The following SPCS2 variants were observed in gnomAD, a reference collection of about 807,000 sequenced individuals.
The protein encoded by SPCS2 is SPase 25 kDa subunit.
In SPCS2, 3 loss-of-function variants were observed where a neutral mutation model predicts 22.3. The ratio of observed to expected loss-of-function variants is 0.13; its 90% confidence interval spans 0.06 to 0.35. SPCS2 has a LOEUF of 0.35. Ranked by LOEUF, SPCS2 falls within the 10% of genes least tolerant of loss-of-function variation. The pLI is 1.00. For missense variants in SPCS2, 169 were observed against 280.9 expected (o/e 0.60, Z 2.85); for synonymous variants, 67 against 97.2 (o/e 0.69, Z 1.83).
At chr11:74,958,894 A>G (rs1948494352) in intron 1 of SPCS2, among the ~76,000 whole-genome samples, 1 of 152,052 alleles carries the variant, frequency 6.6e-6, no homozygotes, top group African/African-American at 2.4e-5. Flanking sequence ...CCTCCAGATC[A>G]TCTGCCAGGT....
chr11:74,962,671 G>T (rs1452451674), intron 1 of SPCS2, among the ~76,000 whole-genome samples: 1 of 152,140 alleles, frequency 6.6e-6, no homozygotes, highest in African/African-American at 2.4e-5. Flanking sequence ...ATCAGAAAAA[G>T]AAGCACCTAA....
At position 74,969,550 on chromosome 11, in the gene SPCS2, TA is replaced by T; in HGVS notation, c.360-13del. 1 of 1,611,586 alleles carries T rather than the reference TA, an allele frequency of 6.2e-7. No homozygotes were observed. The highest frequency in any genetic ancestry group is 1.1e-5 in the South Asian group (1 of 90,796). On this transcript the variant is annotated splice_polypyrimidine_tract_variant and intron_variant, in intron 3 of 4. Transcript: ENST00000263672. ...CTTTTATGTTTGGGTATTTTCCCCT[TA>T]ACTTTATTTGAACCTATTTTGTGAT... is the stretch of plus-strand genomic sequence containing the variant.
intron 3 of SPCS2, among the ~76,000 whole-genome samples, chr11:74,968,518 G>GT (rs60284428): frequency 0.03 from 3,639 of 120,090 alleles, 83 homozygotes; most frequent in African/African-American, 0.058. Flanking sequence ...GGTTTTTTTT[G>GT]TTTTTTTTTT....
At chr11:74,960,313 A>G (rs916571743) in intron 1 of SPCS2, among the ~76,000 whole-genome samples, 51 of 152,350 alleles carry the variant, frequency 3.3e-4, no homozygotes, top group African/African-American at 1.2e-3. Flanking sequence ...CCTGGGTGAC[A>G]GAGTAAGACT....
intron 4 of SPCS2, among the ~76,000 whole-genome samples, chr11:74,975,709 G>C (rs922111482): frequency 6.6e-6 from 1 of 152,212 alleles, no homozygotes; most frequent in Non-Finnish European, 1.5e-5. Flanking sequence ...TTACTGCCTA[G>C]ACCAACAATT....
rs574130837 is a variant in SPCS2 at position 74,954,700 on chromosome 11, G to A, written c.114+5301G>A. 7.9e-5 allele frequency among the ~76,000 whole-genome samples: 12 copies of A among 152,176 alleles called. No individual in the cohort carries two copies. In the South Asian group the frequency reaches 2.1e-3, roughly 26 times the overall value. On this transcript the variant is annotated intron_variant, in intron 1 of 4. Transcript: ENST00000263672. The stretch of plus-strand genomic sequence containing the variant: ...CTGTTGCAAACTGATCTTTATTAGC[G>A]TCTCAAAACTCATTATTTTTTATTT...
rs540782179 is a variant in SPCS2, at chr11:74,949,303, A to G, written c.18A>G (p.Val6=). 16 of 1,549,594 alleles carry G rather than the reference A, an allele frequency of 1.0e-5. No homozygotes were observed. The highest frequency in any genetic ancestry group is 3.4e-4 in the Middle Eastern group (2 of 5,966). The change falls in exon 1 of 5, where the codon GTA becomes GTG. Residue 6 remains valine (V), a synonymous_variant. Transcript: ENST00000263672. ...CGGACAAGATGGCGGCGGCAGCTGTACAGGGCGGGAGAAGCGGTGGTAGCG... is the reference window on the plus strand; with the variant it reads ...CGGACAAGATGGCGGCGGCAGCTGTGCAGGGCGGGAGAAGCGGTGGTAGCG... The part of the protein sequence containing the change: MAAAA[V]QGGRSGGSGG...
intron 1 of SPCS2, among the ~76,000 whole-genome samples, chr11:74,951,502 G>A (rs114590897): frequency 7.6e-4 from 116 of 152,088 alleles, no homozygotes; most frequent in African/African-American, 2.8e-3. Flanking sequence ...TGAACCCTGC[G>A]AGCTTATTGA....
intron 4 of SPCS2, among the ~76,000 whole-genome samples, chr11:74,974,646 A>ACAC (rs896481433): frequency 6.6e-6 from 1 of 152,072 alleles, no homozygotes; most frequent in African/African-American, 2.4e-5. Flanking sequence ...ACAGAGTCTC[A>ACAC]CACTTTCATC....
At chr11:74,976,741 C>G in intron 4 of SPCS2, 116 bp from the exon 5 acceptor site, 1 of 1,300,798 alleles carries the variant, frequency 7.7e-7, no homozygotes, top group Non-Finnish European at 1.1e-6. Context: ...TGTGTTTGTT[C>G]CCTGTATCAC....
intron 1 of SPCS2, among the ~76,000 whole-genome samples, chr11:74,962,712 C>T (rs1744476417): frequency 6.6e-6 from 1 of 152,168 alleles, no homozygotes; most frequent in South Asian, 2.1e-4. Context: ...GATGGTTCTC[C>T]ATACTGTAGT....
intron 1 of SPCS2, among the ~76,000 whole-genome samples, chr11:74,952,086 T>C (rs1429458932): frequency 1.3e-5 from 2 of 152,192 alleles, no homozygotes; most frequent in Non-Finnish European, 2.9e-5. Context: ...GTTTTGAGAC[T>C]GTGTAAAGTG....
chr11:74,975,929 A>G (rs757798915), intron 4 of SPCS2, among the ~76,000 whole-genome samples: 2 of 152,244 alleles, frequency 1.3e-5, no homozygotes, highest in Non-Finnish European at 1.5e-5. Context: ...TCAGCCTACC[A>G]GTAATTGGTG....
At position 74,956,494 on chromosome 11, in the gene SPCS2, T is replaced by C. The variant is rs72988543; in HGVS notation, c.114+7095T>C. 3.3e-3 allele frequency among the ~76,000 whole-genome samples: 498 copies of C among 152,326 alleles called. 1 individual carries two copies. Among genetic ancestry groups the C allele is most frequent in the Non-Finnish European group, 5.8e-3 (392 of 68,024 alleles). On this transcript the variant is annotated intron_variant, in intron 1 of 4. Coordinates refer to ENST00000263672, the MANE Select transcript of SPCS2 (RefSeq NM_014752.3). ...ACAAAAACCTGAGAGTTACCCTTGA[T>C]TCTTCTCTTTGCTTTGTACTCCACA...
Position 74,965,921 on chromosome 11 carries a change from A to G in SPCS2, c.357A>G (p.Ile119Met). The stretch of plus-strand genomic sequence containing the variant: ...AACCCGTTTTGGCTTTGTGTGTCAT[A>G]TCATATCCTTTATTTATGCTCAGGT... The part of the protein sequence containing the change: ...ESKPVLALCV[I>M]SYFVMMGILT... Residue 119 changes from isoleucine to methionine, a missense_variant and splice_region_variant, in exon 3 of 5, where the codon ATA (isoleucine) becomes ATG (methionine). Physicochemically the swap from Ile to Met is conservative, Grantham distance 10 (BLOSUM62 1). Around this residue, in one of 2 missense-constraint regions of SPCS2, gnomAD observed 118 missense variants for 243.1 expected, o/e 0.49. Transcript: ENST00000263672. 2.5e-6 allele frequency: 4 copies of G among 1,602,538 alleles called. No individual in the cohort carries two copies. Among genetic ancestry groups the G allele is most frequent in the Non-Finnish European group, 3.4e-6 (4 of 1,176,218 alleles).
chr11:74,952,640 A>G (rs1311346204), intron 1 of SPCS2, among the ~76,000 whole-genome samples: 2 of 152,136 alleles, frequency 1.3e-5, no homozygotes, highest in South Asian at 2.1e-4. Flanking sequence ...TTTGGAATCT[A>G]CTAGAAGTAA....
intron 1 of SPCS2, 85 bp from the exon 2 acceptor site, chr11:74,964,949 G>T: frequency 1.2e-6 from 1 of 841,956 alleles, no homozygotes; most frequent in Non-Finnish European, 1.9e-6. Flanking sequence ...ATATGTGCAT[G>T]AGGGATGCTC....
intron 1 of SPCS2, among the ~76,000 whole-genome samples, chr11:74,959,533 T>C (rs549832248): frequency 1.2e-4 from 19 of 152,308 alleles, no homozygotes; most frequent in African/African-American, 4.6e-4. Context: ...GCTGGGACTT[T>C]AGGTGGGCAC....
intron 3 of SPCS2, among the ~76,000 whole-genome samples, chr11:74,969,012 TGCC>T (rs1565487361): frequency 8.5e-5 from 13 of 152,220 alleles, no homozygotes; most frequent in East Asian, 3.8e-4. Flanking sequence ...AAAGCTCTTA[TGCC>T]AGTTTTTGGC....
Sources: gnomAD v4.1 joint callset for allele counts (sites outside exome capture counted in the v4.1 genomes callset) on GRCh38, gnomAD v4.1.1 for gene constraint, gnomAD v4.1.1 regional missense constraint, MANE v1.5 for transcripts, NCBI Gene and HGNC (gene_info 2026-07-23, HGNC 2026-07-21) for gene names.